ATP1A3: variants seen among roughly 807,000 people sequenced by gnomAD.
The protein encoded by ATP1A3 is ATPase Na+/K+ transporting subunit alpha 3.
In ATP1A3, 12 loss-of-function variants were observed where a neutral mutation model predicts 108.8. The ratio of observed to expected loss-of-function variants is 0.11; its 90% CI spans 0.07 to 0.18. The LOEUF (loss-of-function observed/expected upper bound fraction) is 0.18, where lower values mean the gene tolerates loss of function less well. Among genes scored for constraint, ATP1A3 ranks in the 10% least tolerant of loss-of-function variants. The pLI is 1.00. For synonymous variants in ATP1A3, 539 were observed against 564.5 expected (o/e 0.95, Z 0.64); for missense variants, 498 against 1,387.7 (o/e 0.36, Z 10.19).
rs58079154 is a variant in ATP1A3, at chr19:41,971,931, C to T, written c.2264-1389G>A. Among the ~76,000 whole-genome samples the T allele has an allele frequency of 2.8e-3, 427 of 152,228 alleles. 13 individuals are homozygous for T. The East Asian group carries it at 0.076, about 27-fold the overall frequency. Reference sequence around the variant, plus strand: ...TATCTCAATAAATATTCAACCAGTACAGGTTGTCTAAAGTAAACAAAATAA... The same window carrying T: ...TATCTCAATAAATATTCAACCAGTATAGGTTGTCTAAAGTAAACAAAATAA... On this transcript the variant is annotated intron_variant, in intron 16 of 22. Transcript: ENST00000648268.
chr19:41,990,624 C>A (rs1238498826), intron 1 of ATP1A3, among the ~76,000 whole-genome samples: 4 of 151,752 alleles, frequency 2.6e-5, no homozygotes, highest in Non-Finnish European at 5.9e-5. Context: ...CTCCCACTGT[C>A]TCTCTCTGGG....
Position 41,981,973 on chromosome 19 carries a change from A to G in ATP1A3, c.1127T>C (p.Met376Thr). 1 of 1,614,214 alleles carries G rather than the reference A, an allele frequency of 6.2e-7. No individual in the cohort carries two copies. Among genetic ancestry groups the G allele is most frequent in the Non-Finnish European group, 8.5e-7 (1 of 1,180,050 alleles). Residue 376 changes from methionine to threonine, a missense_variant, in exon 9 of 23, where the codon ATG (methionine) becomes ACG (threonine). Coordinates refer to ENST00000648268, the MANE Select transcript of ATP1A3 (RefSeq NM_152296.5). This position sits in a 1 kb window ranked among gnomAD's most constrained non-coding sequence, Gnocchi z 5.0. ...DKTGTLTQNRMTVAHMWFDNQ... is the reference protein window; with the variant it reads ...DKTGTLTQNRTTVAHMWFDNQ... The stretch of plus-strand genomic sequence containing the variant: ...GTCAAACCACATGTGGGCGACTGTC[A>G]TGCGGTTCTGAGTGAGGGTCCCTGT...
At position 41,994,139 on chromosome 19, in the gene ATP1A3, C is replaced by G; in HGVS notation, c.-63G>C. The G allele has an allele frequency of 6.6e-7, 1 of 1,515,086 alleles. No homozygotes were observed. Among genetic ancestry groups the G allele is most frequent in the Non-Finnish European group, 8.8e-7 (1 of 1,130,080 alleles). 93.9% of individuals were successfully genotyped at this position (1,515,086 alleles called of 1,614,324 possible). A position where few individuals can be genotyped will look rare whatever the true frequency, so the allele number is the denominator to read the frequency against. On this transcript the variant is annotated 5_prime_UTR_variant, in exon 1 of 23. Transcript: ENST00000648268. ...GCGGGGACCTCGGGGCGGGCTCAGGCTCAGGCTTGGGCTGGGAGCCTCTGC... is the reference window on the plus strand; with the variant it reads ...GCGGGGACCTCGGGGCGGGCTCAGGGTCAGGCTTGGGCTGGGAGCCTCTGC...
rs606231439 is a variant in ATP1A3, at chr19:41,970,391, G to A, written c.2415C>T (p.Asp805=). ...AAGGGTGGCTGCCAGGGCTCACCAT[G>A]TCAGTGCCCAGATCGATGCAGAGGA... ...ITILCIDLGT[D]MVPAISLAYE... The change falls in exon 17 of 23, where the codon GAC becomes GAT. Residue 805 remains aspartate, a synonymous_variant. Coordinates refer to ENST00000648268, the MANE Select transcript of ATP1A3 (RefSeq NM_152296.5). 2 of 1,614,258 alleles carry A rather than the reference G, an allele frequency of 1.2e-6. No individual in the cohort carries two copies. Among genetic ancestry groups the A allele is most frequent in the Non-Finnish European group, 1.7e-6 (2 of 1,180,050 alleles).
chr19:41,979,035 C>G (rs368686629), intron 11 of ATP1A3, among the ~76,000 whole-genome samples: 112 of 151,560 alleles, frequency 7.4e-4, no homozygotes, highest in African/African-American at 2.6e-3. Context: ...CAGAGTCTCG[C>G]TCTGTTGCCC....
chr19:41,970,941 T>C (rs778508079), intron 16 of ATP1A3, among the ~76,000 whole-genome samples: 50 of 149,214 alleles, frequency 3.4e-4, no homozygotes, highest in Middle Eastern at 3.5e-3. Flanking sequence ...CTGTCCAGCG[T>C]CCTTTTCTAC....
rs782313754 is a variant in ATP1A3 at position 41,986,206 on chromosome 19, C to T, written c.381G>A (p.Ala127=). Residue 127 remains alanine, a synonymous_variant, in exon 5 of 23, where the codon GCG becomes GCA. Coordinates refer to ENST00000648268, the MANE Select transcript of ATP1A3 (RefSeq NM_152296.5). ...AGCAGCCAGTGATGATCACCACGGC[C>T]GCCAGCACGATGCCCAGGTACAGCT... ...GDNLYLGIVL[A]AVVIITGCFS... is the part of the protein sequence containing the mutation. 44 of 1,613,864 alleles carry T rather than the reference C, an allele frequency of 2.7e-5. No homozygotes were observed. The highest frequency in any genetic ancestry group is 3.7e-5 in the Non-Finnish European group (44 of 1,180,002).
At chr19:41,974,122 T>C (rs1779697603) in intron 16 of ATP1A3, among the ~76,000 whole-genome samples, 1 of 152,048 alleles carries the variant, frequency 6.6e-6, no homozygotes, top group Non-Finnish European at 1.5e-5. Context: ...TTCTAGCTAC[T>C]CGGGAGGCTG....
chr19:41,967,220 C>T lies in ATP1A3; in HGVS notation c.3013+29G>A, dbSNP rs781823977. Reference sequence around the variant, plus strand: ...CCTGAGACCCTGCTGCCCCCCGCCCCCCTCGGCTGCCTTGCCGAGCTCCCT... The same window carrying T: ...CCTGAGACCCTGCTGCCCCCCGCCCTCCTCGGCTGCCTTGCCGAGCTCCCT... On this transcript the variant is annotated intron_variant, in intron 22 of 22. Transcript: ENST00000648268. This position sits in a 1 kb window ranked among gnomAD's most constrained non-coding sequence, Gnocchi z 4.2. The T allele has an allele frequency of 9.9e-6, 16 of 1,613,808 alleles. No individual in the cohort carries two copies. The highest frequency in any genetic ancestry group is 6.7e-5 in the Admixed American group (4 of 59,992).
chr19:41,983,766 A>ATTTTTTT (rs556483707), intron 8 of ATP1A3, among the ~76,000 whole-genome samples: 2 of 101,266 alleles, frequency 2.0e-5, no homozygotes, highest in African/African-American at 8.0e-5. Context: ...ATTTAAAAAA[A>ATTTTTTT]TTTTTTTTTT....
chr19:41,968,640 A>G lies in ATP1A3; in HGVS notation c.2819+145T>C. The G allele has an allele frequency of 7.4e-7, 1 of 1,344,736 alleles. No individual in the cohort carries two copies. Among genetic ancestry groups the G allele is most frequent in the South Asian group, 1.3e-5 (1 of 78,400 alleles). 83.3% of individuals were successfully genotyped at this position (1,344,736 alleles called of 1,614,324 possible). ...GCAGTGAGCTATGATTACACCACTG[A>G]ACTCCAGTCTGGGTGACAGAGTGAG... On this transcript the variant is annotated intron_variant, in intron 20 of 22. Coordinates refer to ENST00000648268, the MANE Select transcript of ATP1A3 (RefSeq NM_152296.5). The surrounding 1 kb of genome is among the most constrained non-coding windows in gnomAD (Gnocchi z 5.0).
chr19:41,993,275 G>C, intron 1 of ATP1A3: 1 of 1,045,348 alleles, frequency 9.6e-7, no homozygotes, highest in Admixed American at 2.0e-5. Flanking sequence ...ATCTGCTGGA[G>C]AGACTCACAG....
chr19:41,969,584 G>C lies in ATP1A3; in HGVS notation c.2543-4C>G. On this transcript the variant is annotated splice_region_variant and splice_polypyrimidine_tract_variant and intron_variant, in intron 18 of 22. Coordinates refer to ENST00000648268, the MANE Select transcript of ATP1A3 (RefSeq NM_152296.5). ...CCACCGAGAGCCTGGATCATTCCTG[G>C]AAGGAGGAGAGAGGAAGCCGAGGAG... is the stretch of plus-strand genomic sequence containing the variant. 6.2e-7 allele frequency: 1 copy of C among 1,613,620 alleles called. No individual in the cohort carries two copies. Among genetic ancestry groups the C allele is most frequent in the South Asian group, 1.1e-5 (1 of 91,082 alleles).
At chr19:41,984,378 A>G in intron 8 of ATP1A3, 1 of 156,756 alleles carries the variant, frequency 6.4e-6, no homozygotes, top group Non-Finnish European at 1.4e-5. Context: ...GGCATGTGCC[A>G]CCACGCCCCA....
Position 41,988,514 on chromosome 19 carries a change from G to A in ATP1A3, c.55C>T (p.Arg19Cys), listed in dbSNP as rs782229302. 1.7e-4 allele frequency: 268 copies of A among 1,614,046 alleles called. No homozygotes were observed. Among genetic ancestry groups the A allele is most frequent in the Non-Finnish European group, 2.2e-4 (261 of 1,180,036 alleles). The change falls in exon 2 of 23, where the codon CGC becomes TGC. Residue 19 changes from arginine to cysteine, a missense_variant. Physicochemically the swap from Arg to Cys is radical, Grantham distance 180. This residue lies in a region of ATP1A3 where 41 missense variants were observed against 59.7 expected (regional missense o/e 0.69). Transcript: ENST00000648268. The surrounding 1 kb of genome is among the most constrained non-coding windows in gnomAD (Gnocchi z 5.3). ...TTCTTGAGGTCATCCAGGTCCCGGC[G>A]CTCCTTGCCCTTGTTCTTCTTGGGT... is the stretch of plus-strand genomic sequence containing the variant. ...DSPKKNKGKERRDLDDLKKEV... is the reference protein window; with the variant it reads ...DSPKKNKGKECRDLDDLKKEV...
chr19:41,991,383 C>T (rs1324294880), intron 1 of ATP1A3, among the ~76,000 whole-genome samples: 3 of 152,160 alleles, frequency 2.0e-5, no homozygotes, highest in South Asian at 2.1e-4. Flanking sequence ...CTTGGCCCCA[C>T]GCCAGCCCTG....
intron 1 of ATP1A3, chr19:41,993,501 G>GCACACACACA (rs4060828): frequency 1.8e-5 from 12 of 678,320 alleles, no homozygotes; most frequent in African/African-American, 8.9e-5. Context: ...TGCGGAGCCT[G>GCACACACACA]CACACACACA....
In ATP1A3 at chr19:41,968,770, GC is replaced by G; in HGVS notation, c.2819+14del. 3 of 1,613,638 alleles carry G rather than the reference GC, an allele frequency of 1.9e-6. No individual in the cohort carries two copies. Among genetic ancestry groups the G allele is most frequent in the Non-Finnish European group, 2.5e-6 (3 of 1,179,636 alleles). On this transcript the variant is annotated intron_variant, in intron 20 of 22. Coordinates refer to ENST00000648268, the MANE Select transcript of ATP1A3 (RefSeq NM_152296.5). This position sits in a 1 kb window ranked among gnomAD's most constrained non-coding sequence, Gnocchi z 5.0. ...ACAGATGGCTGTCCAGTCACCATGT[GC>G]CCCCGGCCCTCACTTCATGCCCTGC...
In ATP1A3 at chr19:41,970,354, C is replaced by A. The variant is rs201037662; in HGVS notation, c.2418+34G>T. ...GAGCCGGAGAGGGGAGGACTCCACC[C>A]TCCTGGGCCCCAAGGGTGGCTGCCA... On this transcript the variant is annotated intron_variant, in intron 17 of 22. Coordinates refer to ENST00000648268, the MANE Select transcript of ATP1A3 (RefSeq NM_152296.5). The A allele has an allele frequency of 3.7e-6, 6 of 1,613,792 alleles. No homozygotes were observed. The African/African-American group carries it at 5.3e-5, about 14-fold the overall frequency.
Sources: gnomAD v4.1 joint callset for allele counts (sites outside exome capture counted in the v4.1 genomes callset) on GRCh38, gnomAD v4.1.1 for gene constraint, gnomAD v4.1.1 regional missense constraint, Gnocchi (gnomAD v3.1) non-coding constraint, MANE v1.5 for transcripts, NCBI Gene and HGNC (gene_info 2026-07-23, HGNC 2026-07-21) for gene names.